SPACA6: variants seen among roughly 807,000 people sequenced by gnomAD.
The protein encoded by SPACA6 is sperm acrosome membrane-associated protein 6.
For missense variants in SPACA6, 8 were observed against 2.8 expected, an observed-to-expected ratio of 2.88 and a Z score of -1.34; for synonymous variants, 6 against 1.5, an observed-to-expected ratio of 4.05 and a Z score of -2.21.
chr19:51,694,669 G>A (rs1302553039), intron 2 of SPACA6, 114 bp downstream of exon 2: 2 of 398,164 alleles, frequency 5.0e-6, no homozygotes, highest in Non-Finnish European at 8.9e-6. Context: ...GCAGTGATCC[G>A]GGAGGGGAAA....
intron 2 of SPACA6, among the ~76,000 whole-genome samples, chr19:51,700,108 G>C (rs560034630): frequency 6.6e-6 from 1 of 152,062 alleles, no homozygotes; most frequent in Non-Finnish European, 1.5e-5. Context: ...ATAAAAATTC[G>C]CCGAGCATGG....
chr19:51,698,069 G>A (rs1323533840), intron 2 of SPACA6, among the ~76,000 whole-genome samples: 2 of 152,120 alleles, frequency 1.3e-5, no homozygotes, highest in East Asian at 1.9e-4. Flanking sequence ...GTTGTATGGC[G>A]TCTCATCCTC....
chr19:51,687,002 T>C (rs1208082973), upstream of SPACA6: 2 of 152,086 alleles, frequency 1.3e-5, no homozygotes, highest in Non-Finnish European at 2.9e-5. Flanking sequence ...AATCAGCAAA[T>C]TTGGGCCAGG....
chr19:51,702,096 A>G (rs1294444974), intron 3 of SPACA6, among the ~76,000 whole-genome samples: 1 of 148,828 alleles, frequency 6.7e-6, no homozygotes, highest in African/African-American at 2.5e-5. Flanking sequence ...CCCCCCATCC[A>G]CTCCCCGTAC....
At chr19:51,705,021 C>T in intron 8 of SPACA6, 69 bp from the exon 9 acceptor site, 1 of 248,884 alleles carries the variant, frequency 4.0e-6, no homozygotes. Flanking sequence ...CCCTGGTGTC[C>T]AGGCTCCGGG....
chr19:51,702,685 G>A lies in SPACA6; in HGVS notation c.385+33G>A, dbSNP rs768281587. On this transcript the variant is annotated intron_variant, in intron 4 of 8. Transcript: ENST00000637797. Reference sequence around the variant, plus strand: ...CTTCATCTAAAACTTGGAAATTGCGGGGTAAGGGAGGCGGTCGGGGACGAA... The same window carrying A: ...CTTCATCTAAAACTTGGAAATTGCGAGGTAAGGGAGGCGGTCGGGGACGAA... The A allele has an allele frequency of 3.5e-5, 14 of 399,108 alleles. 1 individual carries two copies. The highest frequency in any genetic ancestry group is 5.7e-5 in the Non-Finnish European group (13 of 226,178). 24.7% of individuals were successfully genotyped at this position (399,108 alleles called of 1,614,324 possible). A position where few individuals can be genotyped will look rare whatever the true frequency, so the allele number is the denominator to read the frequency against.
intron 2 of SPACA6, among the ~76,000 whole-genome samples, chr19:51,694,872 G>T (rs1039095060): frequency 3.3e-5 from 5 of 152,016 alleles, no homozygotes; most frequent in Admixed American, 6.6e-5. Flanking sequence ...ATGAAGTTCT[G>T]GGTGTGTCAC....
the SPACA6 span, among the ~76,000 whole-genome samples, chr19:51,683,320 C>T: frequency 0.011 from 1,677 of 152,272 alleles, 32 homozygotes; most frequent in African/African-American, 0.039. Context: ...ATTTAGGGCC[C>T]ACTCTAATCC....
Position 51,704,380 on chromosome 19 carries a change from G to A in SPACA6, c.841G>A (p.Gly281Ser). 2.5e-6 allele frequency: 1 copy of A among 401,134 alleles called. No homozygotes were observed. Among genetic ancestry groups the A allele is most frequent in the Non-Finnish European group, 4.4e-6 (1 of 226,242 alleles). 24.8% of individuals were successfully genotyped at this position (401,134 alleles called of 1,614,324 possible). A position where few individuals can be genotyped will look rare whatever the true frequency, so the allele number is the denominator to read the frequency against. The change falls in exon 8 of 9, where the codon GGC (glycine) becomes AGC (serine). Residue 281 changes from glycine (G) to serine (S), a missense_variant. Transcript: ENST00000637797. ...ELIEPWRPSLGELLARPEALT... is the reference protein window; with the variant it reads ...ELIEPWRPSLSELLARPEALT... ...GATCGAGCCCTGGAGGCCCAGCCTG[G>A]GCGAGCTGCTGGCCAGGCCCGAGGC...
intron 2 of SPACA6, among the ~76,000 whole-genome samples, chr19:51,697,265 T>A (rs887690512): frequency 2.0e-5 from 3 of 152,192 alleles, no homozygotes; most frequent in Non-Finnish European, 2.9e-5. Context: ...ACAAGATCTC[T>A]CTGGCAGCTG....
At chr19:51,692,177 A>G (rs2122187873), upstream of SPACA6, among the ~76,000 whole-genome samples, 1 of 152,246 alleles carries the variant, frequency 6.6e-6, no homozygotes, top group East Asian at 1.9e-4. The surrounding 1 kb of genome is among the most constrained non-coding windows in gnomAD (Gnocchi z 5.6). Context: ...GCAGACTGAC[A>G]GGAGGGTAGG....
chr19:51,686,642 C>A (rs1039771279), upstream of SPACA6: 1 of 152,166 alleles, frequency 6.6e-6, no homozygotes, highest in Admixed American at 6.5e-5. Flanking sequence ...GCAAGCCCAC[C>A]CCAAAGAAGG....
upstream of SPACA6, among the ~76,000 whole-genome samples, chr19:51,690,398 G>A (rs1484785105): frequency 1.3e-5 from 2 of 152,126 alleles, no homozygotes; most frequent in Admixed American, 6.5e-5. Context: ...TTCAGGCTCC[G>A]GCATCTTTCT....
downstream of SPACA6, among the ~76,000 whole-genome samples, chr19:51,709,220 A>G (rs1372378195): frequency 2.5e-5 from 2 of 80,864 alleles, no homozygotes; most frequent in African/African-American, 6.6e-5. Context: ...CCTGAATCAG[A>G]AAAAAAAAAA....
At position 51,703,927 on chromosome 19, in the gene SPACA6, A is replaced by AGGGCCAGGACTCC; in HGVS notation, c.574-102_574-90dup. The AGGGCCAGGACTCC allele has an allele frequency of 2.6e-6, 1 of 391,764 alleles. No homozygotes were observed. The allele number at this position is 391,764 out of a possible 1,614,324, so 24.3% of individuals were successfully genotyped here. ...AGGCTCGGGGGCGGGCTCAAGGCTCAGGGCCAGGACTCCAGGGGGCGTGGT... is the reference window on the plus strand; with the variant it reads ...AGGCTCGGGGGCGGGCTCAAGGCTCAGGGCCAGGACTCCGGGCCAGGACTCCAGGGGGCGTGGT... On this transcript the variant is annotated intron_variant, in intron 6 of 8. Coordinates refer to ENST00000637797, the MANE Select transcript of SPACA6 (RefSeq NM_001316972.2). This position sits in a 1 kb window ranked among gnomAD's most constrained non-coding sequence, Gnocchi z 4.2.
intron 2 of SPACA6, among the ~76,000 whole-genome samples, chr19:51,700,252 TCAAAA>T (rs1391088760): frequency 6.6e-6 from 1 of 151,950 alleles, no homozygotes; most frequent in Non-Finnish European, 1.5e-5. Flanking sequence ...AGACTCTATC[TCAAAA>T]CAAAACAAAC....
chr19:51,712,719 C>T (rs372157302), downstream of SPACA6, among the ~76,000 whole-genome samples: 7 of 152,080 alleles, frequency 4.6e-5, no homozygotes, highest in African/African-American at 1.4e-4. Flanking sequence ...GGGACTCCAG[C>T]AGAAGTTTTC....
downstream of SPACA6, among the ~76,000 whole-genome samples, chr19:51,706,931 G>A (rs754509161): frequency 6.6e-6 from 1 of 152,160 alleles, no homozygotes; most frequent in African/African-American, 2.4e-5. Context: ...AGTGCTAGGG[G>A]ATTACAGGCG....
chr19:51,692,533 C>G, upstream of SPACA6: 1 of 464,094 alleles, frequency 2.2e-6, no homozygotes, highest in Non-Finnish European at 4.3e-6. This position sits in a 1 kb window ranked among gnomAD's most constrained non-coding sequence, Gnocchi z 5.6. Context: ...TCCAGGGTCC[C>G]TGATGAGGAA....
Sources: allele counts gnomAD v4.1 joint callset (sites outside exome capture counted in the v4.1 genomes callset), GRCh38; gene constraint gnomAD v4.1.1; non-coding constraint Gnocchi (gnomAD v3.1); transcripts MANE v1.5; gene names NCBI Gene and HGNC (gene_info 2026-07-23, HGNC 2026-07-21).